PCDHGB4: variants seen among roughly 807,000 people sequenced by gnomAD.
The protein encoded by PCDHGB4 is protocadherin gamma subfamily B, 4.
In PCDHGB4, 38 loss-of-function variants were observed where a neutral mutation model predicts 60.5. The observed-to-expected ratio is 0.63, with a 90% CI of 0.48 to 0.82. The LOEUF (loss-of-function observed/expected upper bound fraction) is 0.82. Among genes scored for constraint, PCDHGB4 ranks in the 40% least tolerant of loss-of-function variants. PCDHGB4 has a pLI of 0.00. For missense variants in PCDHGB4, 1,109 were observed against 1,209.6 expected (o/e 0.92, Z 1.23); for synonymous variants, 456 against 509.7 (o/e 0.89, Z 1.42).
rs191642740 is a variant in PCDHGB4 at position 141,509,833 on chromosome 5, C to T, written c.2546-1114C>T. On this transcript the variant is annotated intron_variant, in intron 3 of 3. Coordinates refer to ENST00000519479, the MANE Select transcript of PCDHGB4 (RefSeq NM_003736.4). ...GAGCTCTTCTCCATCTTCTCTCTAC[C>T]TCCCATTCACTCAGAACAGGGATAA... 2.6e-5 allele frequency among the ~76,000 whole-genome samples: 4 copies of T among 152,300 alleles called. No individual in the cohort carries two copies. The East Asian group carries it at 7.7e-4, about 29-fold the overall frequency.
chr5:141,475,955 C>A, intron 1 of PCDHGB4: 1 of 800,218 alleles, frequency 1.2e-6, no homozygotes, highest in Non-Finnish European at 1.9e-6. Flanking sequence ...TTCTGCGCCC[C>A]GGGATGAGGC....
chr5:141,422,987 A>AG, intron 1 of PCDHGB4: 1 of 1,614,168 alleles, frequency 6.2e-7, no homozygotes. Context: ...GAACCTGGCT[A>AG]CCTGGTGACC....
At chr5:141,484,404 G>C (rs1333849091) in intron 1 of PCDHGB4, among the ~76,000 whole-genome samples, 3 of 152,174 alleles carry the variant, frequency 2.0e-5, no homozygotes, top group Non-Finnish European at 4.4e-5. Flanking sequence ...GGTTTCCGCT[G>C]TGTCTCCTGT....
At chr5:141,448,331 A>T (rs2098582637) in intron 1 of PCDHGB4, among the ~76,000 whole-genome samples, 1 of 152,146 alleles carries the variant, frequency 6.6e-6, no homozygotes, top group Non-Finnish European at 1.5e-5. Flanking sequence ...GAATCTTTAT[A>T]GCCATGTACC....
At chr5:141,438,303 T>G (rs2097949191) in intron 1 of PCDHGB4, among the ~76,000 whole-genome samples, 1 of 152,068 alleles carries the variant, frequency 6.6e-6, no homozygotes, top group African/African-American at 2.4e-5. Flanking sequence ...TAAAAGAAGT[T>G]GGTACCACCA....
In PCDHGB4 at chr5:141,409,436, C is replaced by T. The variant is rs368696166; in HGVS notation, c.2397+19155C>T. Reference sequence around the variant, plus strand: ...ACTGGTGACAGATGGAGCCCTGGACCGAGAGCAGACACCAGAATACAATGT... The same window carrying T: ...ACTGGTGACAGATGGAGCCCTGGACTGAGAGCAGACACCAGAATACAATGT... On this transcript the variant is annotated intron_variant, in intron 1 of 3. Transcript: ENST00000519479. 6 of 1,613,864 alleles carry T rather than the reference C, an allele frequency of 3.7e-6. 1 individual carries two copies. The highest frequency in any genetic ancestry group is 5.1e-6 in the Non-Finnish European group (6 of 1,179,900).
At chr5:141,427,924 G>A (rs1440880400) in intron 1 of PCDHGB4, 8 of 1,580,024 alleles carry the variant, frequency 5.1e-6, no homozygotes, top group East Asian at 2.2e-5. Context: ...ATGAGCCGGC[G>A]CATGTTGGTG....
chr5:141,405,437 T>A, intron 1 of PCDHGB4: 1 of 1,433,230 alleles, frequency 7.0e-7, no homozygotes, highest in Non-Finnish European at 9.6e-7. Context: ...GTTTTGTTTT[T>A]GAGACAGAGT....
intron 1 of PCDHGB4, chr5:141,414,156 T>TCTC (rs1462369810): frequency 6.2e-7 from 1 of 1,601,848 alleles, no homozygotes; most frequent in Admixed American, 1.7e-5. Flanking sequence ...AAGCAGAAGA[T>TCTC]GGAGGAGCAT....
intron 1 of PCDHGB4, chr5:141,414,230 CCAT>C: frequency 6.2e-7 from 1 of 1,613,308 alleles, no homozygotes; most frequent in Non-Finnish European, 8.5e-7. Context: ...CCAGAGCTGA[CCAT>C]CACGTCTCTA....
At chr5:141,469,111 T>TA (rs1275770294) in intron 1 of PCDHGB4, among the ~76,000 whole-genome samples, 1 of 151,476 alleles carries the variant, frequency 6.6e-6, no homozygotes, top group African/African-American at 2.4e-5. Context: ...AACCTGTCTC[T>TA]AAAAAAATTT....
chr5:141,431,222 C>T lies in PCDHGB4; in HGVS notation c.2397+40941C>T. On this transcript the variant is annotated intron_variant, in intron 1 of 3. Transcript: ENST00000519479. The surrounding 1 kb of genome is among the most constrained non-coding windows in gnomAD (Gnocchi z 4.8). ...AGCCACTGAGATGCGGTTCCCTCTA[C>T]CCCACGCCTGGGATCCGGATATCGG... The T allele has an allele frequency of 6.2e-7, 1 of 1,614,170 alleles. No individual in the cohort carries two copies. Among genetic ancestry groups the T allele is most frequent in the South Asian group, 1.1e-5 (1 of 91,090 alleles).
At chr5:141,488,762 C>T (rs1470160100) in intron 1 of PCDHGB4, among the ~76,000 whole-genome samples, 1 of 152,142 alleles carries the variant, frequency 6.6e-6, no homozygotes, top group Non-Finnish European at 1.5e-5. Context: ...TGGGACAGAA[C>T]GCTGAGGAGT....
chr5:141,394,536 G>A lies in PCDHGB4; in HGVS notation c.2397+4255G>A. The A allele has an allele frequency of 1.2e-6, 2 of 1,614,188 alleles. No individual in the cohort carries two copies. Among genetic ancestry groups the A allele is most frequent in the Middle Eastern group, 1.7e-4 (1 of 6,058 alleles). Reference sequence around the variant, plus strand: ...CCTCCCCACAGACGGTTCCACTGGCGTGGAGCTGGCGCCCCGCTCCGCAGA... The same window carrying A: ...CCTCCCCACAGACGGTTCCACTGGCATGGAGCTGGCGCCCCGCTCCGCAGA... On this transcript the variant is annotated intron_variant, in intron 1 of 3. Transcript: ENST00000519479.
Position 141,388,460 on chromosome 5 carries a change from T to G in PCDHGB4, c.576T>G (p.Pro192=). 6.2e-7 allele frequency: 1 copy of G among 1,613,854 alleles called. No homozygotes were observed. ...NKEKSDGSKY[P]EMVLKTPLDR... is the part of the protein sequence containing the mutation. ...AGAAATCAGATGGCAGTAAATACCC[T>G]GAGATGGTATTGAAGACACCTTTGG... is the stretch of plus-strand genomic sequence containing the variant. Residue 192 remains proline (P), a synonymous_variant, in exon 1 of 4, where the codon CCT becomes CCG. Coordinates refer to ENST00000519479, the MANE Select transcript of PCDHGB4 (RefSeq NM_003736.4).
At chr5:141,449,055 A>T (rs1056298558) in intron 1 of PCDHGB4, among the ~76,000 whole-genome samples, 1 of 152,188 alleles carries the variant, frequency 6.6e-6, no homozygotes, top group Non-Finnish European at 1.5e-5. Context: ...CTCATAAATG[A>T]GCGCTATTGA....
Position 141,485,549 on chromosome 5 carries a change from G to A in PCDHGB4, c.2398-9258G>A. 6.2e-7 allele frequency: 1 copy of A among 1,614,030 alleles called. No homozygotes were observed. The highest frequency in any genetic ancestry group is 1.1e-5 in the South Asian group (1 of 91,068). On this transcript the variant is annotated intron_variant, in intron 1 of 3. Transcript: ENST00000519479. The surrounding 1 kb of genome is among the most constrained non-coding windows in gnomAD (Gnocchi z 5.7). ...CCGAGCAGAGGTAGAGATCGTAGATGTGAATGATCACGCCCCCCGTTTTCC... is the reference window on the plus strand; with the variant it reads ...CCGAGCAGAGGTAGAGATCGTAGATATGAATGATCACGCCCCCCGTTTTCC...
At chr5:141,408,045 A>G (rs544263424) in intron 1 of PCDHGB4, 8 of 1,236,658 alleles carry the variant, frequency 6.5e-6, no homozygotes, top group Admixed American at 3.0e-5. Flanking sequence ...CAGCTCCCAC[A>G]CAGAGCCTCC....
intron 1 of PCDHGB4, chr5:141,409,355 A>G (rs778227478): frequency 6.2e-7 from 1 of 1,614,032 alleles, no homozygotes; most frequent in South Asian, 1.1e-5. Flanking sequence ...AGTCAGGTGT[A>G]ATATAGAAAC....
Sources: allele counts gnomAD v4.1 joint callset (sites outside exome capture counted in the v4.1 genomes callset), GRCh38; gene constraint gnomAD v4.1.1; non-coding constraint Gnocchi (gnomAD v3.1); transcripts MANE v1.5; gene names NCBI Gene and HGNC (gene_info 2026-07-23, HGNC 2026-07-21).